The following ESR2 variants were observed in gnomAD, a reference collection of about 807,000 sequenced individuals.
The protein encoded by ESR2 is estrogen receptor beta.
Under a neutral mutation model 49.6 loss-of-function variants are expected in ESR2, and 36 were observed. That is an observed-to-expected ratio of 0.73 (90% CI 0.56 to 0.96). The LOEUF is 0.96. ESR2 is among the 40% of genes least tolerant of loss of function. The pLI, the probability that ESR2 is intolerant of heterozygous loss-of-function variation, is 0.00. For missense variants in ESR2, 714 were observed against 693.0 expected, an observed-to-expected ratio of 1.03 and a Z score of -0.34; for synonymous variants, 320 against 266.1, an observed-to-expected ratio of 1.20 and a Z score of -1.97.
At chr14:64,317,973 A>T (rs867471956) in intron 1 of ESR2, among the ~76,000 whole-genome samples, 1 of 152,216 alleles carries the variant, frequency 6.6e-6, no homozygotes, top group East Asian at 1.9e-4. Context: ...GTTCTTATTC[A>T]GTACAATGCT....
upstream of ESR2, among the ~76,000 whole-genome samples, chr14:64,298,210 G>A (rs1189816149): frequency 6.6e-6 from 1 of 152,160 alleles, no homozygotes; most frequent in Non-Finnish European, 1.5e-5. Context: ...TTCTAGCCTG[G>A]ACACCACAGT....
At chr14:64,282,141 C>A (rs1477853676) in intron 2 of ESR2, among the ~76,000 whole-genome samples, 1 of 152,160 alleles carries the variant, frequency 6.6e-6, no homozygotes, top group Non-Finnish European at 1.5e-5. Context: ...GTCAGGAGTT[C>A]AAGACCAGCC....
chr14:64,236,288 T>G (rs1264002481), intron 7 of ESR2, among the ~76,000 whole-genome samples: 6 of 152,172 alleles, frequency 3.9e-5, no homozygotes, highest in Admixed American at 3.9e-4. Flanking sequence ...ATCTTTTCAA[T>G]AGCCCTGAAG....
intron 1 of ESR2, among the ~76,000 whole-genome samples, chr14:64,314,342 G>C (rs1596485707): frequency 6.7e-6 from 1 of 149,992 alleles, no homozygotes; most frequent in East Asian, 2.0e-4. Context: ...AACACTTGAG[G>C]GACACAGCTA....
chr14:64,259,869 T>C (rs2076176129), intron 5 of ESR2, among the ~76,000 whole-genome samples: 1 of 152,220 alleles, frequency 6.6e-6, no homozygotes, highest in Non-Finnish European at 1.5e-5. Flanking sequence ...CTAGTCATAC[T>C]GTACTCTACC....
chr14:64,296,734 C>T (rs137895823), upstream of ESR2, among the ~76,000 whole-genome samples: 671 of 152,358 alleles, frequency 4.4e-3, 8 homozygotes, highest in Non-Finnish European at 5.4e-3. Context: ...ATTCTACACA[C>T]AGGAACAGCA....
chr14:64,260,060 G>C (rs2076180606), intron 5 of ESR2: 1 of 461,312 alleles, frequency 2.2e-6, no homozygotes, highest in Non-Finnish European at 4.3e-6. Context: ...CTAGGCATGA[G>C]AGGTGGCCAA....
At chr14:64,227,516 C>G (rs202224619), downstream of ESR2, 7 of 1,613,370 alleles carry the variant, frequency 4.3e-6, no homozygotes, top group East Asian at 4.5e-5. Flanking sequence ...CTTTAGGCCA[C>G]CGAGTTGATT....
chr14:64,316,659 A>T (rs186924012), intron 1 of ESR2, among the ~76,000 whole-genome samples: 20 of 151,912 alleles, frequency 1.3e-4, no homozygotes, highest in African/African-American at 4.6e-4. Context: ...AAATACAAAA[A>T]TTAGTCAGGC....
Position 64,312,160 on chromosome 14 carries a change from A to G in ESR2, c.-91+25738T>C, listed in dbSNP as rs72722336. Reference sequence around the variant, plus strand: ...ACATCAATACACTGTATTAAGTCATATATACAAAATGTAATACCTGGAGCA... The same window carrying G: ...ACATCAATACACTGTATTAAGTCATGTATACAAAATGTAATACCTGGAGCA... On this transcript the variant is annotated intron_variant, in intron 1 of 8. Coordinates refer to the ESR2 transcript ENST00000358599. Among the ~76,000 whole-genome samples the G allele has an allele frequency of 9.5e-3, 1,444 of 152,328 alleles. 8 individuals are homozygous for G. The highest frequency in any genetic ancestry group is 0.015 in the Non-Finnish European group (1,006 of 68,034).
chr14:64,308,308 C>T lies in ESR2; in HGVS notation c.-90-25233G>A, dbSNP rs569325489. Among the ~76,000 whole-genome samples the T allele has an allele frequency of 7.2e-5, 11 of 152,226 alleles. No individual in the cohort carries two copies. The South Asian group carries it at 2.1e-3, about 29-fold the overall frequency. ...GGATTATAGGCATGAGACACCGCGC[C>T]GGGCCCCTATTTTCTAATATAGGCA... is the stretch of plus-strand genomic sequence containing the variant. On this transcript the variant is annotated intron_variant, in intron 1 of 8. Transcript: ENST00000358599.
At chr14:64,245,088 G>A (rs1213243771) in intron 7 of ESR2, among the ~76,000 whole-genome samples, 2 of 151,958 alleles carry the variant, frequency 1.3e-5, no homozygotes, top group African/African-American at 4.8e-5. Context: ...GAAGAAAAAA[G>A]CCTGTACTTA....
At chr14:64,326,647 C>T (rs1363944442) in intron 1 of ESR2, among the ~76,000 whole-genome samples, 1 of 152,144 alleles carries the variant, frequency 6.6e-6, no homozygotes, top group Admixed American at 6.5e-5. Context: ...CACATGACTG[C>T]CTTTATACCC....
intron 7 of ESR2, among the ~76,000 whole-genome samples, chr14:64,238,997 C>G (rs889823462): frequency 6.6e-6 from 1 of 152,180 alleles, no homozygotes; most frequent in Non-Finnish European, 1.5e-5. Flanking sequence ...CTTTCCTTGA[C>G]TGAAGGCAAA....
At chr14:64,265,702 A>G (rs2076315982) in intron 4 of ESR2, among the ~76,000 whole-genome samples, 1 of 152,160 alleles carries the variant, frequency 6.6e-6, no homozygotes, top group Non-Finnish European at 1.5e-5. Context: ...ATGAAGTTTC[A>G]TCCATAAAGT....
chr14:64,254,584 T>TAAAA (rs60183978), intron 6 of ESR2, among the ~76,000 whole-genome samples: 1 of 131,976 alleles, frequency 7.6e-6, no homozygotes, highest in African/African-American at 2.7e-5. Flanking sequence ...CCGTCTCCAC[T>TAAAA]AAAAAAAAAA....
chr14:64,297,396 C>T (rs191763622), upstream of ESR2: 4 of 152,188 alleles, frequency 2.6e-5, no homozygotes, highest in East Asian at 5.8e-4. Context: ...AAAGGTGCAC[C>T]TTCCTCATCT....
At chr14:64,307,976 ACT>A (rs1445477447) in intron 1 of ESR2, among the ~76,000 whole-genome samples, 82 of 151,088 alleles carry the variant, frequency 5.4e-4, no homozygotes, top group African/African-American at 1.9e-3. Context: ...TGTTTAACTT[ACT>A]CTTTTTCTAA....
At chr14:64,291,424 T>A (rs2076868322) in intron 1 of ESR2, among the ~76,000 whole-genome samples, 1 of 152,166 alleles carries the variant, frequency 6.6e-6, no homozygotes, top group Non-Finnish European at 1.5e-5. Context: ...CTCATAAACT[T>A]GCCACTCTGC....
Sources: gnomAD v4.1 joint callset for allele counts (sites outside exome capture counted in the v4.1 genomes callset) on GRCh38, gnomAD v4.1.1 for gene constraint, MANE v1.5 for transcripts, NCBI Gene and HGNC (gene_info 2026-07-23, HGNC 2026-07-21) for gene names.